NKAP: variants seen among roughly 807,000 people sequenced by gnomAD.
The protein encoded by NKAP is NF-kappa-B-activating protein.
NKAP carries 4 observed loss-of-function variants against 35.6 expected under a neutral mutation model. The ratio of observed to expected loss-of-function variants is 0.11; its 90% CI spans 0.06 to 0.26. The LOEUF (loss-of-function observed/expected upper bound fraction) is 0.26. Ranked by LOEUF, NKAP falls within the 10% of genes least tolerant of loss-of-function variation. The pLI, the probability that NKAP is intolerant of heterozygous loss-of-function variation, is 1.00. For missense variants in NKAP, 238 were observed against 321.9 expected (o/e 0.74, Z 1.99); for synonymous variants, 106 against 119.2 (o/e 0.89, Z 0.72).
rs747203029 is a variant in NKAP at position 119,936,300 on chromosome X, T to C, written c.670A>G (p.Ser224Gly). ...AGAATGCTGTTGGCGTTCTTACCAC[T>C]GGAGTCTGTTTCAGAATCAGAGTCA... is the stretch of plus-strand genomic sequence containing the variant. The part of the protein sequence containing the change: ...DSDSDSETDS[S>G]DEDNKRRAKK... Residue 224 changes from serine (S) to glycine (G), a missense_variant, in exon 4 of 9, where the codon AGT (serine) becomes GGT (glycine). Transcript: ENST00000371410. The C allele has an allele frequency of 2.0e-5, 24 of 1,204,667 alleles. No homozygotes were observed. The Admixed American group carries it at 4.2e-4, about 21-fold the overall frequency.
intron 8 of NKAP, among the ~76,000 whole-genome samples, chrX:119,925,841 C>T (rs2056708331): frequency 9.2e-6 from 1 of 109,066 alleles, no homozygotes; most frequent in African/African-American, 3.3e-5. Flanking sequence ...AGCCACCGTG[C>T]CCGGCCCTGA....
In NKAP at chrX:119,938,722, C is replaced by T; in HGVS notation, c.467+8G>A. ...AACATTTTAAAAATATATTTTTTAA[C>T]CACTTACTCTGGTTCAGGATTCTTT... is the stretch of plus-strand genomic sequence containing the variant. On this transcript the variant is annotated splice_region_variant and intron_variant, in intron 2 of 8. Coordinates refer to ENST00000371410, the MANE Select transcript of NKAP (RefSeq NM_024528.4). The T allele has an allele frequency of 8.8e-7, 1 of 1,134,545 alleles. No individual in the cohort carries two copies. Among genetic ancestry groups the T allele is most frequent in the Non-Finnish European group, 1.2e-6 (1 of 841,573 alleles). 93.5% of individuals were successfully genotyped at this position (1,134,545 alleles called of 1,213,427 possible).
intron 8 of NKAP, among the ~76,000 whole-genome samples, chrX:119,925,682 C>T (rs1256633354): frequency 9.1e-6 from 1 of 109,626 alleles, no homozygotes; most frequent in African/African-American, 3.3e-5. Context: ...CCATCTCAGC[C>T]TCCTGAGTAG....
At chrX:119,932,358 T>C in intron 5 of NKAP, 142 bp from the exon 6 acceptor site, 1 of 395,468 alleles carries the variant, frequency 2.5e-6, no homozygotes, top group African/African-American at 2.5e-5. Flanking sequence ...AATAAAATGA[T>C]CTGAATTCCC....
rs2056805830 is a variant in NKAP, at chrX:119,943,622, C to T, written c.-17G>A. 1 of 1,155,029 alleles carries T rather than the reference C, an allele frequency of 8.7e-7. No individual in the cohort carries two copies. The highest frequency in any genetic ancestry group is 2.6e-5 in the Admixed American group (1 of 38,874). ...CGGAGCCATGGCTACTGGGGGGCCCCAGCAGCCGTGGGACAAGGGGGCGCT... is the reference window on the plus strand; with the variant it reads ...CGGAGCCATGGCTACTGGGGGGCCCTAGCAGCCGTGGGACAAGGGGGCGCT... On this transcript the variant is annotated 5_prime_UTR_variant, in exon 1 of 9. Transcript: ENST00000371410.
chrX:119,942,485 C>G (rs5910712), intron 1 of NKAP, among the ~76,000 whole-genome samples: 23,973 of 110,032 alleles, frequency 0.22, 2,263 homozygotes, highest in Middle Eastern at 0.35. Context: ...AAAAACAAAA[C>G]AAAACAATCC....
intron 5 of NKAP, among the ~76,000 whole-genome samples, chrX:119,932,914 T>C (rs367746386): frequency 3.7e-5 from 4 of 109,311 alleles, no homozygotes; most frequent in East Asian, 2.9e-4. Context: ...TCCTGGAAGG[T>C]TGAGGTTGTA....
At chrX:119,940,840 T>C (rs1003097440) in intron 1 of NKAP, among the ~76,000 whole-genome samples, 1 of 111,958 alleles carries the variant, frequency 8.9e-6, no homozygotes, top group Non-Finnish European at 1.9e-5. Context: ...GGAAGTCCTG[T>C]TGTCACCTGG....
Position 119,922,497 on chromosome X carries a change from G to A in NKAP, c.*2723C>T, listed in dbSNP as rs1455077503. On this transcript the variant is annotated 3_prime_UTR_variant, in exon 9 of 9. Coordinates refer to ENST00000371410, the MANE Select transcript of NKAP (RefSeq NM_024528.4). ...AATCCTAGCACTTTGGGAGGCCGAG[G>A]CGGGCGGATTGTTTGAGGTCTGGAG... is the stretch of plus-strand genomic sequence containing the variant. 8.9e-6 allele frequency: 1 copy of A among 111,816 alleles called. No individual in the cohort carries two copies. Among genetic ancestry groups the A allele is most frequent in the Admixed American group, 9.6e-5 (1 of 10,437 alleles). 9.2% of individuals were successfully genotyped at this position (111,816 alleles called of 1,213,427 possible).
intron 2 of NKAP, chrX:119,937,850 C>G (rs941911330): frequency 2.0e-4 from 22 of 110,302 alleles, no homozygotes; most frequent in African/African-American, 6.2e-4. Flanking sequence ...CTAAAGGTAT[C>G]TGTAAGAACA....
chrX:119,936,560 A>C (rs1603380474), intron 3 of NKAP, 52 bp downstream of exon 3: 3 of 1,040,427 alleles, frequency 2.9e-6, no homozygotes, highest in East Asian at 6.3e-5. Context: ...ATTTTTTTAA[A>C]TCTCTCAATA....
chrX:119,928,092 T>C (rs2056723706), intron 8 of NKAP, among the ~76,000 whole-genome samples: 1 of 112,502 alleles, frequency 8.9e-6, no homozygotes, highest in African/African-American at 3.2e-5. Context: ...TGATTGGAAC[T>C]ATATTGAAGA....
At chrX:119,934,439 A>G (rs1328384998) in intron 5 of NKAP, 55 bp downstream of exon 5, 1 of 661,835 alleles carries the variant, frequency 1.5e-6, no homozygotes, top group East Asian at 4.8e-5. Context: ...TCAAAAAAAA[A>G]AAAAAAAAAA....
At chrX:119,935,878 T>C (rs772711472) in intron 4 of NKAP, among the ~76,000 whole-genome samples, 1 of 111,733 alleles carries the variant, frequency 8.9e-6, no homozygotes, top group Admixed American at 9.6e-5. Context: ...TCATTGGGCA[T>C]GAGAATTAAA....
chrX:119,938,501 A>G (rs2094646723), intron 2 of NKAP, among the ~76,000 whole-genome samples: 1 of 112,297 alleles, frequency 8.9e-6, no homozygotes, highest in Non-Finnish European at 1.9e-5. Context: ...TATTAATAGG[A>G]AAATTATATT....
intron 2 of NKAP, chrX:119,937,649 G>A (rs1254678474): frequency 9.4e-6 from 1 of 106,628 alleles, no homozygotes; most frequent in Non-Finnish European, 1.9e-5. Flanking sequence ...ACTATTTTTA[G>A]GGTTCCTTCC....
intron 8 of NKAP, among the ~76,000 whole-genome samples, chrX:119,926,487 G>A (rs992153363): frequency 3.7e-5 from 4 of 107,080 alleles, no homozygotes; most frequent in Non-Finnish European, 5.8e-5. Context: ...TGCTGGTTTC[G>A]AACTCCTGAC....
chrX:119,936,173 G>T, intron 4 of NKAP, 124 bp downstream of exon 4: 1 of 724,827 alleles, frequency 1.4e-6, no homozygotes, highest in Non-Finnish European at 2.0e-6. Context: ...CTGGCACAAG[G>T]TTAGCAAGTG....
rs956416082 is a variant in NKAP at position 119,934,556 on chromosome X, A to C, written c.675T>G (p.Asp225Glu). 5.2e-6 allele frequency: 6 copies of C among 1,147,057 alleles called. No homozygotes were observed. Among genetic ancestry groups the C allele is most frequent in the Non-Finnish European group, 6.9e-6 (6 of 868,416 alleles). 94.5% of individuals were successfully genotyped at this position (1,147,057 alleles called of 1,213,427 possible). ...TCTTTGCTCTCCTTTTGTTATCTTCATCTGCAAATTAAAGCACATTACAAT... is the reference window on the plus strand; with the variant it reads ...TCTTTGCTCTCCTTTTGTTATCTTCCTCTGCAAATTAAAGCACATTACAAT... ...SDSDSETDSS[D>E]EDNKRRAKKA... is the part of the protein sequence containing the mutation. The change falls in exon 5 of 9, where the codon GAT becomes GAG. Residue 225 changes from aspartate to glutamate, a missense_variant and splice_region_variant. Transcript: ENST00000371410.
Sources: allele counts gnomAD v4.1 joint callset (sites outside exome capture counted in the v4.1 genomes callset), GRCh38; gene constraint gnomAD v4.1.1; transcripts MANE v1.5; gene names NCBI Gene and HGNC (gene_info 2026-07-23, HGNC 2026-07-21).